PARP16: variants seen among roughly 807,000 people sequenced by gnomAD.
PARP16 encodes the protein protein mono-ADP-ribosyltransferase PARP16.
In PARP16, 31 loss-of-function variants were observed where a neutral mutation model predicts 35.0. The observed-to-expected ratio is 0.88, with a 90% CI of 0.66 to 1.19. The LOEUF is 1.19. Ranked by LOEUF, PARP16 falls within the 50% of genes most tolerant of loss-of-function variation. The pLI, the probability that PARP16 is intolerant of heterozygous loss-of-function variation, is 0.00. For missense variants in PARP16, 424 were observed against 411.2 expected (o/e 1.03, Z -0.27); for synonymous variants, 162 against 169.5 (o/e 0.96, Z 0.34).
At chr15:65,271,239 C>T (rs1049505856) in intron 1 of PARP16, among the ~76,000 whole-genome samples, 167 bp from the exon 2 acceptor site, 2 of 152,006 alleles carry the variant, frequency 1.3e-5, no homozygotes, top group Admixed American at 6.6e-5. Flanking sequence ...CTAAACTTTA[C>T]AAGCTCTAAA....
chr15:65,277,426 G>A (rs972305523), intron 1 of PARP16, among the ~76,000 whole-genome samples: 1 of 152,166 alleles, frequency 6.6e-6, no homozygotes, highest in Non-Finnish European at 1.5e-5. Flanking sequence ...GGATCCCCAT[G>A]CCAGCCTGGA....
At chr15:65,239,447 AAAAAAAGAGAGAAAAGAAAAAAAAAAG>A (rs2088979285) in intron 3 of PARP16, among the ~76,000 whole-genome samples, 1 of 144,384 alleles carries the variant, frequency 6.9e-6, no homozygotes, top group Non-Finnish European at 1.5e-5. Flanking sequence ...AAAAAAAAAA[AAAAAAAGAGAGAAAAGAAAAAAAAAAG>A]AAAAGAAAGA....
chr15:65,240,412 T>C (rs903241574), intron 3 of PARP16, among the ~76,000 whole-genome samples: 5 of 150,556 alleles, frequency 3.3e-5, no homozygotes, highest in African/African-American at 7.4e-5. Flanking sequence ...TTTTGTAGAA[T>C]GGGGTTTCAC....
chr15:65,283,978 C>T (rs2090499800), intron 1 of PARP16, among the ~76,000 whole-genome samples: 1 of 152,190 alleles, frequency 6.6e-6, no homozygotes, highest in Non-Finnish European at 1.5e-5. Context: ...CTGTGGTCAC[C>T]ACTTGAGATG....
chr15:65,239,156 G>C (rs1030126037), intron 3 of PARP16, among the ~76,000 whole-genome samples: 1 of 151,890 alleles, frequency 6.6e-6, no homozygotes, highest in Admixed American at 6.6e-5. Flanking sequence ...GGCTGGGTGC[G>C]GTGGCTCATG....
Position 65,261,046 on chromosome 15 carries a change from C to T in PARP16, c.692-20G>A, listed in dbSNP as rs537584587. On this transcript the variant is annotated intron_variant, in intron 4 of 5. Coordinates refer to ENST00000649807, the MANE Select transcript of PARP16 (RefSeq NM_001316943.2). ...TGGAATCTGAATAAGGAGAGTAAAA[C>T]ACATCTTCACTGGGGGAAACAGAAC... The T allele has an allele frequency of 6.2e-7, 1 of 1,607,566 alleles. No individual in the cohort carries two copies. Among genetic ancestry groups the T allele is most frequent in the African/African-American group, 1.3e-5 (1 of 74,910 alleles).
intron 1 of PARP16, among the ~76,000 whole-genome samples, chr15:65,284,533 G>A (rs2090523152): frequency 6.6e-6 from 1 of 151,532 alleles, no homozygotes; most frequent in Non-Finnish European, 1.5e-5. Flanking sequence ...TTACCATATT[G>A]TCCAGGCTGG....
intron 1 of PARP16, among the ~76,000 whole-genome samples, chr15:65,278,681 G>C (rs1041828968): frequency 6.6e-6 from 1 of 152,184 alleles, no homozygotes; most frequent in Non-Finnish European, 1.5e-5. Flanking sequence ...GTGGGTACAA[G>C]TGATTCTTAT....
chr15:65,239,424 T>TAAAAAAAAAAAAAAAAAAAAAAAAAAAAA (rs758350761), intron 3 of PARP16, among the ~76,000 whole-genome samples: 2 of 6,960 alleles, frequency 2.9e-4, no homozygotes, highest in Non-Finnish European at 4.4e-4. Flanking sequence ...AGACTTTGCC[T>TAAAAAAAAAAAAAAAAAAAAAAAAAAAAA]AAAAAAAAAA....
At chr15:65,283,191 C>T (rs1460735298) in intron 1 of PARP16, among the ~76,000 whole-genome samples, 1 of 152,084 alleles carries the variant, frequency 6.6e-6, no homozygotes, top group East Asian at 1.9e-4. Flanking sequence ...AATCCCAGCA[C>T]TTTGGAAGGC....
chr15:65,248,396 C>G (rs1050608036), intron 2 of PARP16, among the ~76,000 whole-genome samples: 4 of 152,158 alleles, frequency 2.6e-5, no homozygotes, highest in African/African-American at 4.8e-5. Context: ...AGTACCCCCA[C>G]AAACACACGT....
Position 65,264,147 on chromosome 15 carries a change from C to T in PARP16, c.520-827G>A, listed in dbSNP as rs544470179. Among the ~76,000 whole-genome samples the T allele has an allele frequency of 2.6e-5, 4 of 152,300 alleles. No individual in the cohort carries two copies. In the East Asian group the frequency reaches 7.7e-4, roughly 29 times the overall value. On this transcript the variant is annotated intron_variant, in intron 3 of 5. Transcript: ENST00000649807. The stretch of plus-strand genomic sequence containing the variant: ...ACATCTAAAAATCTAGGCAGCATCT[C>T]CCTGGTGGTGCCCTCCATAAGGAAG...
At chr15:65,247,795 G>GT (rs2089247997) in intron 3 of PARP16, among the ~76,000 whole-genome samples, 1 of 130,642 alleles carries the variant, frequency 7.7e-6, no homozygotes, top group African/African-American at 2.8e-5. Context: ...CCAATGGATT[G>GT]TTCTTTTTTT....
intron 3 of PARP16, among the ~76,000 whole-genome samples, chr15:65,238,598 G>A (rs576372653): frequency 2.0e-5 from 3 of 152,288 alleles, no homozygotes; most frequent in Admixed American, 6.5e-5. Context: ...CACTGCAGCC[G>A]CAGCATCTCT....
At chr15:65,262,146 T>C (rs2140854047) in intron 4 of PARP16, among the ~76,000 whole-genome samples, 1 of 151,218 alleles carries the variant, frequency 6.6e-6, no homozygotes, top group East Asian at 1.9e-4. Flanking sequence ...TTTTTTTTTT[T>C]TTTTTGGATG....
At chr15:65,250,472 C>A (rs752137853) in intron 2 of PARP16, among the ~76,000 whole-genome samples, 1 of 152,082 alleles carries the variant, frequency 6.6e-6, no homozygotes, top group Non-Finnish European at 1.5e-5. Context: ...TCTTTCTGGC[C>A]TTTTAACCTT....
In PARP16 at chr15:65,266,591, G is replaced by A. The variant is rs1331276207; in HGVS notation, c.490C>T (p.His164Tyr). The change falls in exon 3 of 6, where the codon CAC becomes TAC. Residue 164 changes from histidine (H) to tyrosine (Y), a missense_variant. His to Tyr is a moderately conservative substitution (Grantham distance 83). Transcript: ENST00000649807. ...SRLENFHSII[H>Y]NGLHCHLNKT... ...TTCAGATGGCAGTGCAGGCCATTGT[G>A]GATAATGGAATGGAAGTTTTCTAGG... 4 of 1,613,704 alleles carry A rather than the reference G, an allele frequency of 2.5e-6. No homozygotes were observed. In the African/African-American group the frequency reaches 4.0e-5, roughly 16 times the overall value.
intron 3 of PARP16, 108 bp from the exon 4 acceptor site, chr15:65,263,428 A>C: frequency 1.2e-6 from 1 of 866,126 alleles, no homozygotes; most frequent in Non-Finnish European, 1.7e-6. Flanking sequence ...AAAATGTACA[A>C]CCCCCGCTTT....
At chr15:65,241,502 A>G (rs1352744676) in intron 3 of PARP16, among the ~76,000 whole-genome samples, 1 of 152,178 alleles carries the variant, frequency 6.6e-6, no homozygotes, top group African/African-American at 2.4e-5. Flanking sequence ...GTTGTTTCAC[A>G]TCCTTGCCAA....
Sources: gnomAD v4.1 joint callset for allele counts (sites outside exome capture counted in the v4.1 genomes callset) on GRCh38, gnomAD v4.1.1 for gene constraint, MANE v1.5 for transcripts, NCBI Gene and HGNC (gene_info 2026-07-23, HGNC 2026-07-21) for gene names.